IL21R: variants seen among roughly 807,000 people sequenced by gnomAD.
IL21R encodes interleukin 21 receptor, also known as interleukin-21 receptor.
In IL21R, 14 loss-of-function variants were observed where a neutral mutation model predicts 41.3. The observed-to-expected ratio is 0.34, with a 90% confidence interval of 0.22 to 0.53. The LOEUF is 0.53. IL21R is among the 20% of genes least tolerant of loss of function. IL21R has a pLI of 0.94. For missense variants in IL21R, 588 were observed against 681.6 expected (o/e 0.86, Z 1.53); for synonymous variants, 286 against 287.6 (o/e 0.99, Z 0.05).
intron 2 of IL21R, among the ~76,000 whole-genome samples, chr16:27,430,822 GCAA>G (rs368045937): frequency 1.2e-4 from 18 of 152,058 alleles, no homozygotes; most frequent in African/African-American, 2.9e-4. Flanking sequence ...CAAAACAACA[GCAA>G]CAACAACAAC....
At chr16:27,405,734 C>T (rs1216481410) in intron 1 of IL21R, among the ~76,000 whole-genome samples, 1 of 152,232 alleles carries the variant, frequency 6.6e-6, no homozygotes, top group African/African-American at 2.4e-5. Context: ...GCCCCCACTC[C>T]CTGCCCTGGC....
In IL21R at chr16:27,445,297, AGGCAGGGAGGT is replaced by A. The variant is rs1203385206; in HGVS notation, c.785+24_785+34del. The A allele has an allele frequency of 3.2e-6, 5 of 1,546,802 alleles. No homozygotes were observed. The Admixed American group carries it at 6.7e-5, about 21-fold the overall frequency. On this transcript the variant is annotated intron_variant, in intron 7 of 8. Transcript: ENST00000337929. ...TGGAGGTGAGGCCAGGGGATGAGGA[AGGCAGGGAGGT>A]GGTCAGCCTGGGCCACTGCCCCTGT...
intron 3 of IL21R, among the ~76,000 whole-genome samples, chr16:27,437,088 T>G (rs2087282938): frequency 6.6e-6 from 1 of 152,058 alleles, no homozygotes; most frequent in African/African-American, 2.4e-5. Flanking sequence ...AAATGGATGT[T>G]GGACAGAAAG....
intron 4 of IL21R, among the ~76,000 whole-genome samples, chr16:27,441,052 A>G (rs2087379837): frequency 6.7e-6 from 1 of 149,294 alleles, no homozygotes; most frequent in Non-Finnish European, 1.5e-5. Context: ...GTCTCAAAAA[A>G]AAAAAAAAAA....
chr16:27,431,387 G>A (rs557944744), intron 2 of IL21R, among the ~76,000 whole-genome samples: 1 of 152,260 alleles, frequency 6.6e-6, no homozygotes, highest in African/African-American at 2.4e-5. Flanking sequence ...AGCCCCACAA[G>A]GCGCATGTTG....
chr16:27,439,611 G>A (rs1370854204), intron 4 of IL21R, among the ~76,000 whole-genome samples: 1 of 146,400 alleles, frequency 6.8e-6, no homozygotes, highest in Non-Finnish European at 1.5e-5. Flanking sequence ...TCTCACACAC[G>A]TGTACACTCA....
intron 1 of IL21R, among the ~76,000 whole-genome samples, chr16:27,412,180 C>T (rs7193869): frequency 0.3 from 45,962 of 152,038 alleles, 7,393 homozygotes; most frequent in East Asian, 0.62. Context: ...CCAGCACTAT[C>T]TCCTTGAACA....
At chr16:27,443,534 A>G (rs1446446237) in intron 5 of IL21R, among the ~76,000 whole-genome samples, 1 of 152,222 alleles carries the variant, frequency 6.6e-6, no homozygotes. Flanking sequence ...CTGTAATCCC[A>G]GCACTTTGGA....
At chr16:27,405,083 A>G (rs2086720761) in intron 1 of IL21R, among the ~76,000 whole-genome samples, 1 of 150,000 alleles carries the variant, frequency 6.7e-6, no homozygotes, top group Non-Finnish European at 1.5e-5. Flanking sequence ...CCCAGGCTGG[A>G]GTGCGGTGGC....
intron 1 of IL21R, chr16:27,403,330 C>G: frequency 9.1e-7 from 1 of 1,099,860 alleles, no homozygotes; most frequent in Non-Finnish European, 1.2e-6. Context: ...GGTGGAGGAG[C>G]CCTGGGGAGC....
At chr16:27,416,335 G>T (rs995137653) in intron 1 of IL21R, among the ~76,000 whole-genome samples, 5 of 152,020 alleles carry the variant, frequency 3.3e-5, no homozygotes, top group African/African-American at 1.2e-4. Flanking sequence ...ACTGGGTCTT[G>T]CCATGTTGTC....
At chr16:27,407,761 G>T (rs1349533672) in intron 1 of IL21R, among the ~76,000 whole-genome samples, 1 of 152,156 alleles carries the variant, frequency 6.6e-6, no homozygotes, top group Non-Finnish European at 1.5e-5. Context: ...GGAGGCGGAG[G>T]TTGCAGTGAG....
chr16:27,422,723 CTAAG>C (rs1313462530), intron 1 of IL21R, among the ~76,000 whole-genome samples: 1 of 152,060 alleles, frequency 6.6e-6, no homozygotes, highest in Non-Finnish European at 1.5e-5. Context: ...TCCAATTCAC[CTAAG>C]TAACTTTTCT....
chr16:27,411,363 C>T (rs1238781126), intron 1 of IL21R, among the ~76,000 whole-genome samples: 1 of 151,402 alleles, frequency 6.6e-6, no homozygotes, highest in East Asian at 1.9e-4. Context: ...TTTGTATTTC[C>T]CTGATGATTA....
At chr16:27,416,345 C>T (rs1471229007) in intron 1 of IL21R, among the ~76,000 whole-genome samples, 2 of 152,112 alleles carry the variant, frequency 1.3e-5, no homozygotes, top group African/African-American at 4.8e-5. Flanking sequence ...GCCATGTTGT[C>T]CAGGCTGATC....
At chr16:27,406,200 TG>T (rs1262624481) in intron 1 of IL21R, among the ~76,000 whole-genome samples, 8 of 152,092 alleles carry the variant, frequency 5.3e-5, no homozygotes, top group African/African-American at 1.9e-4. Context: ...AGAGAGACGG[TG>T]GGTGGCCAGC....
chr16:27,402,885 G>A (rs866822989), intron 1 of IL21R, among the ~76,000 whole-genome samples: 1 of 152,202 alleles, frequency 6.6e-6, no homozygotes, highest in Non-Finnish European at 1.5e-5. Flanking sequence ...CCTCCAAAAT[G>A]TAGCGGGCTG....
chr16:27,418,019 T>TATTTC (rs1456368815), intron 1 of IL21R, among the ~76,000 whole-genome samples: 7 of 69,574 alleles, frequency 1.0e-4, no homozygotes, highest in Admixed American at 5.4e-4. Flanking sequence ...TTATTTATTT[T>TATTTC]ATTTTATTTT....
At chr16:27,411,262 T>G (rs1596566196) in intron 1 of IL21R, among the ~76,000 whole-genome samples, 1 of 152,104 alleles carries the variant, frequency 6.6e-6, no homozygotes, top group East Asian at 1.9e-4. Context: ...AGGGTTTCAA[T>G]TCTCTACATC....
Sources: allele counts gnomAD v4.1 joint callset (sites outside exome capture counted in the v4.1 genomes callset), GRCh38; gene constraint gnomAD v4.1.1; transcripts MANE v1.5; gene names NCBI Gene and HGNC (gene_info 2026-07-23, HGNC 2026-07-21).